The following CACNA1C variants were observed in gnomAD, a reference collection of about 807,000 sequenced individuals.
CACNA1C encodes the protein calcium voltage-gated channel subunit alpha1 C, also known as voltage-dependent L-type calcium channel subunit alpha-1C.
In CACNA1C, 30 loss-of-function variants were observed where a neutral mutation model predicts 229.0. The ratio of observed to expected loss-of-function variants is 0.13; its 90% CI spans 0.10 to 0.18. The LOEUF (loss-of-function observed/expected upper bound fraction) is 0.18, where lower values mean the gene tolerates loss of function less well. Among genes scored for constraint, CACNA1C ranks in the 10% least tolerant of loss-of-function variants. CACNA1C has a pLI of 1.00. For synonymous variants in CACNA1C, 1,114 were observed against 1,132.5 expected (o/e 0.98, Z 0.33); for missense variants, 1,658 against 2,845.0 (o/e 0.58, Z 9.49).
chr12:2,062,498 C>G (rs1238572983), intron 1 of CACNA1C, among the ~76,000 whole-genome samples: 1 of 152,194 alleles, frequency 6.6e-6, no homozygotes, highest in East Asian at 1.9e-4. Context: ...CACTATCTCT[C>G]TATCCTGGGA....
At chr12:2,565,685 T>C (rs2050460782) in intron 11 of CACNA1C, among the ~76,000 whole-genome samples, 1 of 152,238 alleles carries the variant, frequency 6.6e-6, no homozygotes, top group Non-Finnish European at 1.5e-5. Flanking sequence ...GTCTGTGTGC[T>C]GTGTGGGCTC....
rs1305536588 is a variant in CACNA1C, at chr12:2,053,761, C to T, written c.49+150C>T. ...GGGCGCCTCCGCCTCGTCGGAGCGC[C>T]CGGGAGCCCGGCGGGACCGGGGCCC... On this transcript the variant is annotated intron_variant, in intron 1 of 46. Coordinates refer to ENST00000399655, the MANE Select transcript of CACNA1C (RefSeq NM_000719.7). This position sits in a 1 kb window ranked among gnomAD's most constrained non-coding sequence, Gnocchi z 5.8. The T allele has an allele frequency of 1.4e-5, 11 of 794,318 alleles. No individual in the cohort carries two copies. The highest frequency in any genetic ancestry group is 1.8e-5 in the Non-Finnish European group (11 of 604,762). 49.2% of individuals were successfully genotyped at this position (794,318 alleles called of 1,614,324 possible).
chr12:2,154,744 C>G (rs1204152900), intron 3 of CACNA1C, among the ~76,000 whole-genome samples: 1 of 152,260 alleles, frequency 6.6e-6, no homozygotes, highest in African/African-American at 2.4e-5. Context: ...CTTCTCTCAG[C>G]TCCAAAGGCA....
Position 2,053,252 on chromosome 12 carries a change from A to G in CACNA1C, c.-311A>G. 12 of 1,059,588 alleles carry G rather than the reference A, an allele frequency of 1.1e-5. No individual in the cohort carries two copies. The South Asian group carries it at 4.9e-4, about 43-fold the overall frequency. The allele number at this position is 1,059,588 out of a possible 1,614,324, so 65.6% of individuals were successfully genotyped here. The stretch of plus-strand genomic sequence containing the variant: ...CTTCTCGCCCTGCCTCTCCCGATTT[A>G]TTTTTTCAAATGGTGTAGCCGCCGG... On this transcript the variant is annotated 5_prime_UTR_variant, in exon 1 of 47. Transcript: ENST00000399655. This position sits in a 1 kb window ranked among gnomAD's most constrained non-coding sequence, Gnocchi z 5.8.
intron 6 of CACNA1C, among the ~76,000 whole-genome samples, chr12:2,490,333 G>T (rs2099716059): frequency 6.6e-6 from 1 of 152,196 alleles, no homozygotes. Flanking sequence ...TGTTTGTGAT[G>T]TTTCAGGAAC....
At chr12:2,117,761 C>T (rs528632243) in intron 2 of CACNA1C, among the ~76,000 whole-genome samples, 15 of 152,376 alleles carry the variant, frequency 9.8e-5, no homozygotes, top group Admixed American at 9.8e-4. Flanking sequence ...GGATCCGGGC[C>T]TAACACCTAC....
chr12:2,229,954 C>T (rs2064294279), intron 3 of CACNA1C, among the ~76,000 whole-genome samples: 1 of 152,182 alleles, frequency 6.6e-6, no homozygotes, highest in Non-Finnish European at 1.5e-5. Flanking sequence ...CCCAGGTGAG[C>T]ATGGCTGCTG....
intron 3 of CACNA1C, among the ~76,000 whole-genome samples, chr12:2,447,490 G>A (rs551403868): frequency 3.9e-5 from 6 of 152,342 alleles, no homozygotes; most frequent in African/African-American, 1.4e-4. Context: ...ACATTTCCAA[G>A]CTTCATAGCC....
Position 2,649,681 on chromosome 12 carries a change from G to T in CACNA1C, c.3945+1174G>T, listed in dbSNP as rs1309154244. On this transcript the variant is annotated intron_variant, in intron 31 of 46. Coordinates refer to ENST00000399655, the MANE Select transcript of CACNA1C (RefSeq NM_000719.7). This position sits in a 1 kb window ranked among gnomAD's most constrained non-coding sequence, Gnocchi z 4.4. ...AAGCTTGGTGTTTGGCGTTTTTTGG[G>T]TTTTTTTGTTTGTTTATTTTGTTTT... Among the ~76,000 whole-genome samples the T allele has an allele frequency of 7.2e-6, 1 of 139,452 alleles. No homozygotes were observed. The highest frequency in any genetic ancestry group is 1.5e-5 in the Non-Finnish European group (1 of 64,778). The allele number at this position is 139,452 out of a possible 152,430, so 91.5% of individuals were successfully genotyped here. A position where few individuals can be genotyped will look rare whatever the true frequency, so the allele number is the denominator to read the frequency against.
intron 30 of CACNA1C, among the ~76,000 whole-genome samples, chr12:2,644,231 G>A (rs1363126946): frequency 1.3e-5 from 2 of 152,212 alleles, no homozygotes; most frequent in African/African-American, 2.4e-5. Flanking sequence ...TTGGGCAGCC[G>A]TTTTCTGTAG....
chr12:2,514,481 C>A (rs370021026), intron 9 of CACNA1C, among the ~76,000 whole-genome samples: 25 of 152,130 alleles, frequency 1.6e-4, no homozygotes, highest in African/African-American at 4.6e-4. Context: ...GAGGGTCTTC[C>A]TGGAAAAATG....
intron 5 of CACNA1C, among the ~76,000 whole-genome samples, chr12:2,470,439 C>A (rs1567876481): frequency 6.6e-6 from 1 of 152,170 alleles, no homozygotes; most frequent in Non-Finnish European, 1.5e-5. Flanking sequence ...AATGAAGATC[C>A]AGTGAGGCCA....
rs59893290 is a variant in CACNA1C, at chr12:2,322,113, T to C, written c.478-126863T>C. On this transcript the variant is annotated intron_variant, in intron 3 of 46. Coordinates refer to ENST00000399655, the MANE Select transcript of CACNA1C (RefSeq NM_000719.7). ...TGCACTTTGGGTCAATTGAGTTGCTTCACACTTGTGTGTGCACATTGTTTA... is the reference window on the plus strand; with the variant it reads ...TGCACTTTGGGTCAATTGAGTTGCTCCACACTTGTGTGTGCACATTGTTTA... Among the ~76,000 whole-genome samples the C allele has an allele frequency of 9.4e-4, 143 of 152,348 alleles. 1 individual carries two copies. The highest frequency in any genetic ancestry group is 3.3e-3 in the African/African-American group (136 of 41,582).
At chr12:2,126,192 A>G (rs2089974494) in intron 3 of CACNA1C, among the ~76,000 whole-genome samples, 1 of 152,154 alleles carries the variant, frequency 6.6e-6, no homozygotes, top group South Asian at 2.1e-4. Context: ...CATCTAACAT[A>G]CACTTTTGCA....
intron 3 of CACNA1C, among the ~76,000 whole-genome samples, chr12:2,268,199 GTGA>G (rs1456176420): frequency 2.0e-5 from 3 of 152,160 alleles, no homozygotes; most frequent in Admixed American, 6.5e-5. Flanking sequence ...TGAGGGGAAA[GTGA>G]TGATGTGGTC....
rs554466163 is a variant in CACNA1C, at chr12:2,605,971, G to A, written c.3156+185G>A. On this transcript the variant is annotated intron_variant, in intron 24 of 46. Transcript: ENST00000399655. This position sits in a 1 kb window ranked among gnomAD's most constrained non-coding sequence, Gnocchi z 6.2. ...TAGGGAGGCGCTAGAAGGAGGCATC[G>A]GGCCACCAGGCCAGAGGCCCCTCAC... is the stretch of plus-strand genomic sequence containing the variant. Among the ~76,000 whole-genome samples, 14 of 152,302 alleles carry A rather than the reference G, an allele frequency of 9.2e-5. No homozygotes were observed. In the South Asian group the frequency reaches 1.0e-3, roughly 11 times the overall value.
At chr12:2,573,138 C>G (rs2057060120) in intron 13 of CACNA1C, among the ~76,000 whole-genome samples, 1 of 152,140 alleles carries the variant, frequency 6.6e-6, no homozygotes, top group Non-Finnish European at 1.5e-5. Flanking sequence ...TAGCCTCAAA[C>G]TCCTGGGCTC....
chr12:2,373,055 T>C (rs552268977), intron 3 of CACNA1C, among the ~76,000 whole-genome samples: 59 of 152,368 alleles, frequency 3.9e-4, no homozygotes, highest in African/African-American at 1.4e-3. Context: ...TGGTCTGGTC[T>C]GTGGCGGGAG....
intron 31 of CACNA1C, 102 bp downstream of exon 31, chr12:2,648,609 G>T (rs1285001908): frequency 2.0e-6 from 2 of 984,784 alleles, no homozygotes; most frequent in Admixed American, 3.5e-5. Flanking sequence ...GCCCTGCCTG[G>T]CTCTCACTGC....
Sources: allele counts gnomAD v4.1 joint callset (sites outside exome capture counted in the v4.1 genomes callset), GRCh38; gene constraint gnomAD v4.1.1; non-coding constraint Gnocchi (gnomAD v3.1); transcripts MANE v1.5; gene names NCBI Gene and HGNC (gene_info 2026-07-23, HGNC 2026-07-21).